OCA2: variants seen among roughly 807,000 people sequenced by gnomAD.
OCA2 encodes P protein.
In OCA2, 77 loss-of-function variants were observed where a neutral mutation model predicts 100.2. That is an observed-to-expected ratio of 0.77 (90% CI 0.64 to 0.93). OCA2 has a LOEUF of 0.93. Among genes scored for constraint, OCA2 ranks in the 40% least tolerant of loss-of-function variants. The probability of loss-of-function intolerance (pLI) is 0.00; values close to 1 mark genes in which losing one functional copy is unlikely to be tolerated. For missense variants in OCA2, 1,062 were observed against 1,089.1 expected (o/e 0.98, Z 0.35); for synonymous variants, 432 against 439.2 (o/e 0.98, Z 0.21).
chr15:27,788,179 G>A (rs1595410885), intron 23 of OCA2, among the ~76,000 whole-genome samples: 1 of 151,526 alleles, frequency 6.6e-6, no homozygotes. Flanking sequence ...TTGTAAGCTT[G>A]AAAAAAACAA....
rs1182679358 is a variant in OCA2, at chr15:27,998,032, T to G, written c.1045-7385A>C. ...GTGATTTTTGTACATTGATTTTGTATCCTGAGACTTTGCTGAAGTTGCTTA... is the reference window on the plus strand; with the variant it reads ...GTGATTTTTGTACATTGATTTTGTAGCCTGAGACTTTGCTGAAGTTGCTTA... On this transcript the variant is annotated intron_variant, in intron 9 of 23. Coordinates refer to ENST00000354638, the MANE Select transcript of OCA2 (RefSeq NM_000275.3). Among the ~76,000 whole-genome samples, 5 of 147,260 alleles carry G rather than the reference T, an allele frequency of 3.4e-5. No individual in the cohort carries two copies. The Admixed American group carries it at 3.5e-4, about 10-fold the overall frequency.
intron 18 of OCA2, among the ~76,000 whole-genome samples, chr15:27,951,206 G>A (rs2594944): frequency 0.96 from 146,809 of 152,302 alleles, 70,783 homozygotes; most frequent in East Asian, 1. Flanking sequence ...CCTGGCCACA[G>A]CACAGGCTAG....
the OCA2 span, among the ~76,000 whole-genome samples, chr15:27,736,610 T>G: frequency 6.6e-6 from 1 of 152,224 alleles, no homozygotes; most frequent in Non-Finnish European, 1.5e-5. Flanking sequence ...ATCTTCCAAT[T>G]AGCAAATCCC....
intron 19 of OCA2, among the ~76,000 whole-genome samples, chr15:27,907,985 A>G (rs1320178381): frequency 6.6e-6 from 1 of 152,204 alleles, no homozygotes; most frequent in African/African-American, 2.4e-5. Context: ...ATTGAAAAGA[A>G]GGTAAATTTT....
intron 23 of OCA2, among the ~76,000 whole-genome samples, chr15:27,835,219 G>A (rs887475819): frequency 3.3e-5 from 5 of 152,190 alleles, no homozygotes; most frequent in African/African-American, 1.2e-4. Context: ...GAGATCATAT[G>A]GATTACAAGT....
At chr15:27,947,971 A>G (rs190404746) in intron 18 of OCA2, among the ~76,000 whole-genome samples, 2 of 152,190 alleles carry the variant, frequency 1.3e-5, no homozygotes, top group East Asian at 1.9e-4. Flanking sequence ...AATTCCCCAC[A>G]ATAGTTAAGT....
intron 23 of OCA2, among the ~76,000 whole-genome samples, chr15:27,820,033 C>T (rs1026179588): frequency 2.6e-5 from 4 of 152,008 alleles, no homozygotes; most frequent in African/African-American, 4.8e-5. Flanking sequence ...CAATGGAGAG[C>T]GCTCCCAATG....
At chr15:28,050,417 C>T (rs1420214588) in intron 2 of OCA2, among the ~76,000 whole-genome samples, 1 of 151,906 alleles carries the variant, frequency 6.6e-6, no homozygotes, top group African/African-American at 2.4e-5. Context: ...ATTAGCAGGC[C>T]AGCAATAGTG....
chr15:27,800,194 G>A (rs985095237), intron 23 of OCA2, among the ~76,000 whole-genome samples: 6 of 152,094 alleles, frequency 3.9e-5, no homozygotes, highest in East Asian at 1.9e-4. Flanking sequence ...GAATTTGTAC[G>A]ATTGTACTAA....
intron 9 of OCA2, among the ~76,000 whole-genome samples, chr15:27,997,263 G>GA (rs2041780652): frequency 7.7e-6 from 1 of 129,814 alleles, no homozygotes; most frequent in Non-Finnish European, 1.8e-5. Flanking sequence ...GAAAGAAAGG[G>GA]AAAATTAATT....
At chr15:28,053,818 C>T (rs1459828920) in intron 2 of OCA2, among the ~76,000 whole-genome samples, 1 of 152,230 alleles carries the variant, frequency 6.6e-6, no homozygotes, top group Admixed American at 6.5e-5. Context: ...TTATGTCCAT[C>T]TTAGAATGAC....
chr15:28,040,206 C>A (rs1322340287), intron 2 of OCA2, among the ~76,000 whole-genome samples: 1 of 152,190 alleles, frequency 6.6e-6, no homozygotes, highest in Non-Finnish European at 1.5e-5. Flanking sequence ...CCTTGGACTT[C>A]TAGCCTCAAG....
chr15:27,759,005 GAC>G (rs1460713820), intron 23 of OCA2, among the ~76,000 whole-genome samples: 1 of 152,058 alleles, frequency 6.6e-6, no homozygotes, highest in Non-Finnish European at 1.5e-5. Context: ...TCTATGCCAA[GAC>G]ACAACAATCA....
chr15:27,910,763 C>T (rs773469615), intron 19 of OCA2, among the ~76,000 whole-genome samples: 4 of 151,812 alleles, frequency 2.6e-5, no homozygotes, highest in African/African-American at 9.7e-5. Flanking sequence ...CGAGACCAGC[C>T]TAACCAATGC....
At chr15:27,995,445 T>C (rs1160759333) in intron 9 of OCA2, among the ~76,000 whole-genome samples, 1 of 152,130 alleles carries the variant, frequency 6.6e-6, no homozygotes, top group Non-Finnish European at 1.5e-5. Flanking sequence ...CAGGCTGGAG[T>C]GCAGTGGTGC....
chr15:27,940,394 C>A (rs991048313), intron 18 of OCA2, among the ~76,000 whole-genome samples: 1 of 152,212 alleles, frequency 6.6e-6, no homozygotes, highest in African/African-American at 2.4e-5. Context: ...GGGCCATGAG[C>A]AAATGAGACA....
chr15:27,985,007 G>A (rs2041299460), intron 13 of OCA2, 57 bp downstream of exon 13: 2 of 1,607,290 alleles, frequency 1.2e-6, no homozygotes, highest in African/African-American at 2.7e-5. Flanking sequence ...AGTGCAGGCA[G>A]AGCCCCTGCC....
At chr15:28,032,941 G>T (rs2042951126) in intron 2 of OCA2, among the ~76,000 whole-genome samples, 1 of 152,150 alleles carries the variant, frequency 6.6e-6, no homozygotes, top group Non-Finnish European at 1.5e-5. Flanking sequence ...AACAAATCAG[G>T]ACCAAGGGGT....
At chr15:27,808,566 T>C (rs182988062) in intron 23 of OCA2, among the ~76,000 whole-genome samples, 73 of 152,270 alleles carry the variant, frequency 4.8e-4, no homozygotes, top group African/African-American at 1.8e-3. Context: ...GGGAACAATC[T>C]CTACACTTTA....
Sources: allele counts gnomAD v4.1 joint callset (sites outside exome capture counted in the v4.1 genomes callset), GRCh38; gene constraint gnomAD v4.1.1; transcripts MANE v1.5; gene names NCBI Gene and HGNC (gene_info 2026-07-23, HGNC 2026-07-21).